Variants in GPCPD1 observed in about 807,000 individuals in gnomAD.
GPCPD1 encodes glycerophosphocholine phosphodiesterase GPCPD1.
A neutral mutation model predicts 89.2 loss-of-function variants in GPCPD1; 29 were observed. That is an observed-to-expected ratio of 0.33 (90% CI 0.24 to 0.44). The LOEUF (loss-of-function observed/expected upper bound fraction) is 0.44, where lower values mean the gene tolerates loss of function less well. GPCPD1 is among the 20% of genes least tolerant of loss of function. GPCPD1 has a pLI of 1.00. For synonymous variants in GPCPD1, 258 were observed against 266.3 expected (o/e 0.97, Z 0.30); for missense variants, 594 against 808.9 (o/e 0.73, Z 3.22).
At chr20:5,597,071 G>GA (rs1979782314) in intron 3 of GPCPD1, among the ~76,000 whole-genome samples, 1 of 151,998 alleles carries the variant, frequency 6.6e-6, no homozygotes, top group East Asian at 1.9e-4. Context: ...TCTGAAAATC[G>GA]AAGAAAAAAT....
intron 8 of GPCPD1, 89 bp downstream of exon 8, chr20:5,578,291 A>C: frequency 1.2e-6 from 1 of 844,858 alleles, no homozygotes; most frequent in East Asian, 2.5e-5. Flanking sequence ...GCTTTACACA[A>C]ATTAGATTAA....
At chr20:5,591,099 C>A (rs1173288976) in intron 4 of GPCPD1, among the ~76,000 whole-genome samples, 1 of 152,136 alleles carries the variant, frequency 6.6e-6, no homozygotes, top group Non-Finnish European at 1.5e-5. Context: ...CCTGCAGATT[C>A]ATACCAATGT....
rs1388737623 is a variant in GPCPD1, at chr20:5,555,188, A to G, written c.1829+2757T>C. On this transcript the variant is annotated intron_variant, in intron 19 of 19. Coordinates refer to ENST00000379019, the MANE Select transcript of GPCPD1 (RefSeq NM_019593.5). ...ACAAGAGATTCAGAATATTACATAAACTTAGTGAATAAAGCAGCAGCAGGG... is the reference window on the plus strand; with the variant it reads ...ACAAGAGATTCAGAATATTACATAAGCTTAGTGAATAAAGCAGCAGCAGGG... 4.6e-5 allele frequency among the ~76,000 whole-genome samples: 7 copies of G among 152,366 alleles called. No homozygotes were observed. The East Asian group carries it at 1.3e-3, about 29-fold the overall frequency.
At chr20:5,553,001 T>A (rs1266182141) in intron 19 of GPCPD1, among the ~76,000 whole-genome samples, 2 of 152,232 alleles carry the variant, frequency 1.3e-5, no homozygotes, top group Non-Finnish European at 2.9e-5. Flanking sequence ...AATTTAATTT[T>A]ATTTTATATG....
In GPCPD1 at chr20:5,547,620, C is replaced by G. The variant is rs1348007460; in HGVS notation, c.*41G>C. 1.9e-6 allele frequency: 2 copies of G among 1,047,410 alleles called. No individual in the cohort carries two copies. Among genetic ancestry groups the G allele is most frequent in the Non-Finnish European group, 2.9e-6 (2 of 694,820 alleles). The allele number at this position is 1,047,410 out of a possible 1,614,324, so 64.9% of individuals were successfully genotyped here. A position where few individuals can be genotyped will look rare whatever the true frequency, so the allele number is the denominator to read the frequency against. On this transcript the variant is annotated 3_prime_UTR_variant, in exon 20 of 20. Coordinates refer to ENST00000379019, the MANE Select transcript of GPCPD1 (RefSeq NM_019593.5). The stretch of plus-strand genomic sequence containing the variant: ...AGTGATGAAAAATGAATACCCAGAA[C>G]AGCGGTGCACGCCCCCAAAATGACC...
chr20:5,561,295 G>A (rs1986063379), intron 16 of GPCPD1, among the ~76,000 whole-genome samples, 170 bp downstream of exon 16: 1 of 152,212 alleles, frequency 6.6e-6, no homozygotes, highest in Admixed American at 6.5e-5. Context: ...ATACTAGCAT[G>A]AATGCAAGAT....
chr20:5,555,128 C>T (rs1418904062), intron 19 of GPCPD1, among the ~76,000 whole-genome samples: 1 of 152,138 alleles, frequency 6.6e-6, no homozygotes, highest in Non-Finnish European at 1.5e-5. Flanking sequence ...ACAAATCCAC[C>T]CAACAAAGAT....
chr20:5,564,154 G>A (rs889124010), intron 15 of GPCPD1, among the ~76,000 whole-genome samples: 9 of 151,998 alleles, frequency 5.9e-5, no homozygotes, highest in Admixed American at 4.6e-4. Context: ...GGGTGTTCCC[G>A]TATTAAATTG....
At chr20:5,567,700 G>A (rs1439645239) in intron 12 of GPCPD1, 140 bp from the exon 13 acceptor site, 1 of 786,410 alleles carries the variant, frequency 1.3e-6, no homozygotes, top group East Asian at 2.9e-5. Context: ...ATAACTGTTA[G>A]TAGCCATACT....
intron 4 of GPCPD1, among the ~76,000 whole-genome samples, chr20:5,587,154 GTTA>G (rs1475406199): frequency 1.3e-5 from 2 of 152,186 alleles, no homozygotes; most frequent in South Asian, 2.1e-4. Flanking sequence ...AAACTCACTA[GTTA>G]TTATGCTGAA....
chr20:5,554,586 C>T (rs1027487491), intron 19 of GPCPD1, among the ~76,000 whole-genome samples: 10 of 152,080 alleles, frequency 6.6e-5, no homozygotes, highest in Non-Finnish European at 8.8e-5. Flanking sequence ...TATTTTAAGC[C>T]CATAGTTGAG....
chr20:5,574,609 G>A (rs904597546), intron 10 of GPCPD1, among the ~76,000 whole-genome samples: 1 of 152,056 alleles, frequency 6.6e-6, no homozygotes, highest in Non-Finnish European at 1.5e-5. Context: ...ATGGTACCAC[G>A]TGCCTGTGGT....
At chr20:5,564,589 A>C (rs560677088) in intron 15 of GPCPD1, among the ~76,000 whole-genome samples, 1 of 152,134 alleles carries the variant, frequency 6.6e-6, no homozygotes. Flanking sequence ...ACCCTTGGGG[A>C]GGCTGAGGCT....
chr20:5,579,575 C>T lies in GPCPD1; in HGVS notation c.473+433G>A, dbSNP rs568864627. The stretch of plus-strand genomic sequence containing the variant: ...GTTGGCCAGTCTGGTCTTGAACTCC[C>T]GACCTCAGGTGATCTGCCCACCTCG... On this transcript the variant is annotated intron_variant, in intron 7 of 19. Coordinates refer to ENST00000379019, the MANE Select transcript of GPCPD1 (RefSeq NM_019593.5). Among the ~76,000 whole-genome samples the T allele has an allele frequency of 4.1e-4, 62 of 152,190 alleles. 2 individuals are homozygous for T. In the South Asian group the frequency reaches 0.012, roughly 30 times the overall value.
At chr20:5,606,266 T>A (rs1980577072) in intron 1 of GPCPD1, among the ~76,000 whole-genome samples, 1 of 152,012 alleles carries the variant, frequency 6.6e-6, no homozygotes, top group Non-Finnish European at 1.5e-5. Flanking sequence ...ATATTCTACA[T>A]CATAACTTCT....
rs561077074 is a variant in GPCPD1 at position 5,578,177 on chromosome 20, T to G, written c.705+203A>C. ...AGACATCTGGTCTTGATTGGAAACA[T>G]CAATACTGCTGTTCTCTTAATTATA... is the stretch of plus-strand genomic sequence containing the variant. On this transcript the variant is annotated intron_variant, in intron 8 of 19. Coordinates refer to ENST00000379019, the MANE Select transcript of GPCPD1 (RefSeq NM_019593.5). Among the ~76,000 whole-genome samples, 4 of 152,354 alleles carry G rather than the reference T, an allele frequency of 2.6e-5. No individual in the cohort carries two copies. In the South Asian group the frequency reaches 8.3e-4, roughly 32 times the overall value.
In GPCPD1 at chr20:5,550,367, T is replaced by G. The variant is rs533622425; in HGVS notation, c.1830-2517A>C. Among the ~76,000 whole-genome samples the G allele has an allele frequency of 1.0e-3, 156 of 149,944 alleles. 1 individual carries two copies. Among genetic ancestry groups the G allele is most frequent in the African/African-American group, 3.6e-3 (148 of 40,958 alleles). On this transcript the variant is annotated intron_variant, in intron 19 of 19. Coordinates refer to ENST00000379019, the MANE Select transcript of GPCPD1 (RefSeq NM_019593.5). ...AGCTATTTGATTCAAACAAAAAGAC[T>G]TCTATAAAGAAAAAAATCAAGAAAA... is the stretch of plus-strand genomic sequence containing the variant.
At chr20:5,602,265 A>G (rs2122800298) in intron 2 of GPCPD1, among the ~76,000 whole-genome samples, 1 of 152,242 alleles carries the variant, frequency 6.6e-6, no homozygotes, top group African/African-American at 2.4e-5. Context: ...GACCCCAATC[A>G]AGCTGACACT....
chr20:5,572,317 A>G (rs986181835), intron 11 of GPCPD1, among the ~76,000 whole-genome samples: 9 of 152,224 alleles, frequency 5.9e-5, no homozygotes, highest in Non-Finnish European at 1.2e-4. Context: ...CATATTTTCA[A>G]CAGAAAGATA....
Sources: gnomAD v4.1 joint callset for allele counts (sites outside exome capture counted in the v4.1 genomes callset) on GRCh38, gnomAD v4.1.1 for gene constraint, MANE v1.5 for transcripts, NCBI Gene and HGNC (gene_info 2026-07-23, HGNC 2026-07-21) for gene names.